PRLR: variants seen among roughly 807,000 people sequenced by gnomAD.
PRLR encodes the protein hPRL receptor.
In PRLR, 13 loss-of-function variants were observed where a neutral mutation model predicts 40.2. The observed-to-expected ratio is 0.32, with a 90% CI of 0.21 to 0.51. The LOEUF (loss-of-function observed/expected upper bound fraction) is 0.51, where lower values mean the gene tolerates loss of function less well. Ranked by LOEUF, PRLR falls within the 20% of genes least tolerant of loss-of-function variation. The pLI is 0.97. For missense variants in PRLR, 656 were observed against 747.3 expected (o/e 0.88, Z 1.42); for synonymous variants, 269 against 278.7 (o/e 0.97, Z 0.35).
chr5:35,073,935 G>C (rs1769907428), intron 5 of PRLR, among the ~76,000 whole-genome samples: 1 of 152,166 alleles, frequency 6.6e-6, no homozygotes, highest in South Asian at 2.1e-4. Flanking sequence ...CCTCAATACT[G>C]CTGGTAGGAA....
chr5:35,113,985 G>A (rs549938356), intron 2 of PRLR, among the ~76,000 whole-genome samples: 133 of 152,192 alleles, frequency 8.7e-4, no homozygotes, highest in Non-Finnish European at 1.7e-3. Context: ...GGGATGAGGA[G>A]GTATCAGTCT....
At chr5:35,150,899 G>A (rs184684431) in intron 1 of PRLR, among the ~76,000 whole-genome samples, 15 of 152,296 alleles carry the variant, frequency 9.8e-5, no homozygotes, top group Admixed American at 9.8e-4. Flanking sequence ...TTGGCGGGGA[G>A]CAGCTGCATT....
rs748382325 is a variant in PRLR, at chr5:35,084,704, A to G, written c.204-65T>C. 3.2e-4 allele frequency: 477 copies of G among 1,467,784 alleles called. 1 individual carries two copies. Among genetic ancestry groups the G allele is most frequent in the Non-Finnish European group, 4.0e-4 (428 of 1,073,594 alleles). 90.9% of individuals were successfully genotyped at this position (1,467,784 alleles called of 1,614,324 possible). A position where few individuals can be genotyped will look rare whatever the true frequency, so the allele number is the denominator to read the frequency against. ...TAAAGAGAGTCTAGTTTTTTTCTTC[A>G]TAGATCAATACCACTGGCCTTTGGG... On this transcript the variant is annotated intron_variant, in intron 4 of 9. Coordinates refer to ENST00000618457, the MANE Select transcript of PRLR (RefSeq NM_000949.7).
intron 2 of PRLR, among the ~76,000 whole-genome samples, chr5:35,104,685 C>A (rs1772114210): frequency 6.6e-6 from 1 of 152,140 alleles, no homozygotes. Context: ...GGGCGTCCAC[C>A]ATTGCTGAGG....
At chr5:35,070,073 C>G in intron 7 of PRLR, 51 bp downstream of exon 7, 1 of 1,564,120 alleles carries the variant, frequency 6.4e-7, no homozygotes, top group African/African-American at 1.4e-5. Context: ...TGCAAATATA[C>G]CATTTAAAAC....
chr5:35,092,416 C>G (rs1771269073), intron 2 of PRLR, among the ~76,000 whole-genome samples: 2 of 152,204 alleles, frequency 1.3e-5, no homozygotes, highest in Admixed American at 1.3e-4. Flanking sequence ...CTTCTCACCC[C>G]TAAAGGGGCT....
At chr5:35,214,837 C>T (rs902251791) in intron 1 of PRLR, among the ~76,000 whole-genome samples, 1 of 152,192 alleles carries the variant, frequency 6.6e-6, no homozygotes, top group East Asian at 1.9e-4. Context: ...TCTTTTGAAA[C>T]AGACCCCTGA....
At chr5:35,121,934 G>A (rs2111733754) in intron 1 of PRLR, among the ~76,000 whole-genome samples, 1 of 152,286 alleles carries the variant, frequency 6.6e-6, no homozygotes, top group South Asian at 2.1e-4. Context: ...TTTAGGTGCT[G>A]ATGATAGAGC....
At chr5:35,150,039 G>A (rs554362540) in intron 1 of PRLR, among the ~76,000 whole-genome samples, 18 of 151,996 alleles carry the variant, frequency 1.2e-4, no homozygotes, top group Non-Finnish European at 4.4e-5. Context: ...CATGCGCCAC[G>A]ACGCCCAGCT....
chr5:35,065,236 T>G lies in PRLR; in HGVS notation c.1722A>C (p.Glu574Asp). ...GTGATGGTGGGGCCTCTTTGGCTGA[T>G]TCTTCAAAGCAAGCCACGTTTTTAG... ...PHAKNVACFE[E>D]SAKEAPPSLE... Residue 574 changes from glutamate (E) to aspartate (D), a missense_variant, in exon 10 of 10, where the codon GAA becomes GAC. Physicochemically the swap from Glu to Asp is conservative, Grantham distance 45. Transcript: ENST00000618457. The G allele has an allele frequency of 6.2e-7, 1 of 1,614,178 alleles. No homozygotes were observed. The highest frequency in any genetic ancestry group is 8.5e-7 in the Non-Finnish European group (1 of 1,180,026).
chr5:35,199,078 G>A (rs750949301), intron 1 of PRLR, among the ~76,000 whole-genome samples: 4 of 152,150 alleles, frequency 2.6e-5, no homozygotes, highest in Admixed American at 2.0e-4. Flanking sequence ...CTTCTCCTCC[G>A]AAGCAGGAAA....
chr5:35,074,076 A>G lies in PRLR; in HGVS notation c.374-1332T>C, dbSNP rs551718954. Among the ~76,000 whole-genome samples, 8 of 152,330 alleles carry G rather than the reference A, an allele frequency of 5.3e-5. 1 individual carries two copies. The East Asian group carries it at 1.2e-3, about 22-fold the overall frequency. ...AAAGAATTGAAAACAGATGTTTAAG[A>G]AAATCTTGTATGTGAATTTTCATGG... On this transcript the variant is annotated intron_variant, in intron 5 of 9. Transcript: ENST00000618457.
chr5:35,107,577 A>T (rs1292268682), intron 2 of PRLR, among the ~76,000 whole-genome samples: 1 of 152,232 alleles, frequency 6.6e-6, no homozygotes, highest in African/African-American at 2.4e-5. Flanking sequence ...ACAAACTACC[A>T]TCAGAAAATA....
chr5:35,207,184 G>T (rs953474297), intron 1 of PRLR, among the ~76,000 whole-genome samples: 1 of 152,052 alleles, frequency 6.6e-6, no homozygotes, highest in Non-Finnish European at 1.5e-5. Flanking sequence ...GATCAATGCT[G>T]TAAGACACCA....
chr5:35,119,213 A>G (rs1773187157), intron 1 of PRLR, among the ~76,000 whole-genome samples: 2 of 152,164 alleles, frequency 1.3e-5, no homozygotes, highest in Admixed American at 1.3e-4. Context: ...TAGCAGACAA[A>G]ATAATGCTTT....
chr5:35,168,827 A>G (rs1157639071), intron 1 of PRLR, among the ~76,000 whole-genome samples: 1 of 152,282 alleles, frequency 6.6e-6, no homozygotes, highest in African/African-American at 2.4e-5. Flanking sequence ...ATAAAACGAT[A>G]CTACAAGTTC....
intron 1 of PRLR, among the ~76,000 whole-genome samples, chr5:35,175,544 G>A (rs1775123977): frequency 1.3e-5 from 2 of 152,150 alleles, no homozygotes; most frequent in South Asian, 2.1e-4. Context: ...AGATGTGGAT[G>A]CCTTGGGAGA....
At chr5:35,212,958 T>C (rs1212515423) in intron 1 of PRLR, among the ~76,000 whole-genome samples, 1 of 152,194 alleles carries the variant, frequency 6.6e-6, no homozygotes, top group African/African-American at 2.4e-5. Context: ...ATGCTTGCCA[T>C]TGGTTGGGCA....
intron 2 of PRLR, among the ~76,000 whole-genome samples, chr5:35,110,918 G>A (rs545714669): frequency 1.1e-4 from 17 of 152,156 alleles, no homozygotes; most frequent in Non-Finnish European, 2.5e-4. Context: ...GCTGGATCAT[G>A]CCCTGTCTAC....
Sources: allele counts gnomAD v4.1 joint callset (sites outside exome capture counted in the v4.1 genomes callset), GRCh38; gene constraint gnomAD v4.1.1; transcripts MANE v1.5; gene names NCBI Gene and HGNC (gene_info 2026-07-23, HGNC 2026-07-21).